RBMS3: variants seen among roughly 807,000 people sequenced by gnomAD.
The protein encoded by RBMS3 is RNA binding motif single stranded interacting protein 3.
In RBMS3, 27 loss-of-function variants were observed where a neutral mutation model predicts 66.8. That is an observed-to-expected ratio of 0.40 (90% CI 0.30 to 0.56). The LOEUF is 0.56. Ranked by LOEUF, RBMS3 falls within the 20% of genes least tolerant of loss-of-function variation. The probability of loss-of-function intolerance (pLI) is 0.40; values close to 1 mark genes in which losing one functional copy is unlikely to be tolerated. For missense variants in RBMS3, 513 were observed against 549.5 expected (o/e 0.93, Z 0.66); for synonymous variants, 188 against 183.0 (o/e 1.03, Z -0.22).
intron 4 of RBMS3, among the ~76,000 whole-genome samples, chr3:29,612,909 G>C (rs114101050): frequency 1.2e-4 from 18 of 152,112 alleles, no homozygotes; most frequent in Non-Finnish European, 1.6e-4. Flanking sequence ...AATTGCATAG[G>C]TATCATATTA....
At chr3:29,627,908 G>A (rs1456167941) in intron 4 of RBMS3, among the ~76,000 whole-genome samples, 2 of 152,022 alleles carry the variant, frequency 1.3e-5, no homozygotes, top group African/African-American at 4.8e-5. Context: ...CAGATATGAG[G>A]GGGTAACTTG....
At chr3:29,397,771 A>T (rs1169976986) in intron 1 of RBMS3, among the ~76,000 whole-genome samples, 1 of 151,772 alleles carries the variant, frequency 6.6e-6, no homozygotes, top group Non-Finnish European at 1.5e-5. Context: ...CTGGATTCGA[A>T]CTCCTGGGCT....
chr3:29,517,324 T>TG (rs1559430100), intron 3 of RBMS3, among the ~76,000 whole-genome samples: 2 of 120,658 alleles, frequency 1.7e-5, no homozygotes, highest in African/African-American at 7.4e-5. Context: ...TATATATTTT[T>TG]TTTTTGTTTT....
intron 2 of RBMS3, among the ~76,000 whole-genome samples, chr3:29,465,939 G>T (rs1218524353): frequency 1.3e-5 from 2 of 151,900 alleles, no homozygotes; most frequent in Non-Finnish European, 2.9e-5. Flanking sequence ...TTTGCCCTGG[G>T]CCATCCAAAC....
chr3:29,706,251 C>T (rs534432944), intron 4 of RBMS3, among the ~76,000 whole-genome samples: 64 of 152,296 alleles, frequency 4.2e-4, no homozygotes, highest in African/African-American at 1.5e-3. Flanking sequence ...TAATTACTTG[C>T]TTTCTATAGA....
chr3:29,830,323 T>C (rs2058338709), intron 6 of RBMS3, among the ~76,000 whole-genome samples: 2 of 152,118 alleles, frequency 1.3e-5, no homozygotes, highest in African/African-American at 4.8e-5. Flanking sequence ...ACATTTTAGT[T>C]TGTGTATAGA....
intron 4 of RBMS3, among the ~76,000 whole-genome samples, chr3:29,716,622 G>T (rs951548904): frequency 2.6e-5 from 4 of 152,104 alleles, no homozygotes; most frequent in African/African-American, 7.2e-5. Context: ...TTTTTAATAA[G>T]CTCAAGATTC....
intron 1 of RBMS3, among the ~76,000 whole-genome samples, chr3:29,422,630 T>C (rs1274446512): frequency 1.3e-5 from 2 of 152,090 alleles, no homozygotes; most frequent in African/African-American, 4.8e-5. Context: ...TAATGTAAAT[T>C]GCCTAATATT....
intron 6 of RBMS3, among the ~76,000 whole-genome samples, chr3:29,810,720 C>A (rs2057706194): frequency 6.6e-6 from 1 of 152,100 alleles, no homozygotes; most frequent in Non-Finnish European, 1.5e-5. Context: ...TATTCTAAGA[C>A]AAATACCATA....
At chr3:29,946,519 C>A (rs927506048) in intron 12 of RBMS3, among the ~76,000 whole-genome samples, 5 of 151,574 alleles carry the variant, frequency 3.3e-5, no homozygotes, top group African/African-American at 7.3e-5. Context: ...AGAAAATAGA[C>A]CCCTGATTAA....
At chr3:29,320,205 T>C (rs1402584264) in intron 1 of RBMS3, among the ~76,000 whole-genome samples, 1 of 152,036 alleles carries the variant, frequency 6.6e-6, no homozygotes, top group East Asian at 1.9e-4. Flanking sequence ...AGAAGTTAAT[T>C]TCACTCTCAG....
chr3:29,659,044 C>T (rs1246851389), intron 4 of RBMS3, among the ~76,000 whole-genome samples: 1 of 152,142 alleles, frequency 6.6e-6, no homozygotes, highest in African/African-American at 2.4e-5. Flanking sequence ...GTCTTGATCT[C>T]CTGACCTCGT....
chr3:29,620,713 A>C (rs895661907), intron 4 of RBMS3, among the ~76,000 whole-genome samples: 1 of 152,100 alleles, frequency 6.6e-6, no homozygotes, highest in African/African-American at 2.4e-5. Flanking sequence ...CAGAGAAAAA[A>C]AAATGTGTCT....
At chr3:29,683,571 T>C (rs7647724) in intron 4 of RBMS3, among the ~76,000 whole-genome samples, 93,998 of 151,892 alleles carry the variant, frequency 0.62, 29,574 homozygotes, top group African/African-American at 0.73. Context: ...AACTCCTGGC[T>C]AGAAATATAT....
chr3:29,745,952 C>G (rs1297089114), intron 5 of RBMS3, among the ~76,000 whole-genome samples: 3 of 150,420 alleles, frequency 2.0e-5, no homozygotes, highest in Admixed American at 2.0e-4. Flanking sequence ...TACTAAATAT[C>G]AATCAGTATA....
intron 1 of RBMS3, among the ~76,000 whole-genome samples, chr3:29,310,135 G>A (rs550906293): frequency 1.3e-5 from 2 of 151,782 alleles, no homozygotes; most frequent in Admixed American, 1.3e-4. Context: ...CACAGGTGGA[G>A]CAATTGGCCT....
At chr3:29,799,506 A>G (rs891549371) in intron 6 of RBMS3, among the ~76,000 whole-genome samples, 1 of 152,198 alleles carries the variant, frequency 6.6e-6, no homozygotes, top group African/African-American at 2.4e-5. Context: ...CTGGAAGGAA[A>G]GACTTTTACT....
At chr3:29,713,282 C>A (rs957912153) in intron 4 of RBMS3, among the ~76,000 whole-genome samples, 1 of 151,988 alleles carries the variant, frequency 6.6e-6, no homozygotes, top group Admixed American at 6.6e-5. Flanking sequence ...GCCCTCTGTT[C>A]CCATATAAGG....
chr3:29,487,396 C>A (rs190206844), intron 2 of RBMS3, among the ~76,000 whole-genome samples: 1 of 152,200 alleles, frequency 6.6e-6, no homozygotes, highest in East Asian at 1.9e-4. Flanking sequence ...AAATCCCTAA[C>A]ATTTAAAACT....
Sources: gnomAD v4.1 joint callset for allele counts (sites outside exome capture counted in the v4.1 genomes callset) on GRCh38, gnomAD v4.1.1 for gene constraint, MANE v1.5 for transcripts, NCBI Gene and HGNC (gene_info 2026-07-23, HGNC 2026-07-21) for gene names.